PHLPP2: variants seen among roughly 807,000 people sequenced by gnomAD.
The protein encoded by PHLPP2 is PH domain leucine-rich repeat-containing protein phosphatase 2.
PHLPP2 carries 66 observed loss-of-function variants against 124.9 expected under a neutral mutation model. The ratio of observed to expected loss-of-function variants is 0.53; its 90% CI spans 0.43 to 0.65. The LOEUF is 0.65. Among genes scored for constraint, PHLPP2 ranks in the 30% least tolerant of loss-of-function variants. The pLI is 0.00. For missense variants in PHLPP2, 1,685 were observed against 1,600.4 expected (o/e 1.05, Z -0.90); for synonymous variants, 681 against 624.7 (o/e 1.09, Z -1.34).
intron 4 of PHLPP2, among the ~76,000 whole-genome samples, chr16:71,690,006 A>T (rs2045093281): frequency 6.6e-6 from 1 of 152,136 alleles, no homozygotes; most frequent in African/African-American, 2.4e-5. Flanking sequence ...AAAAATATTA[A>T]CATATCTGTT....
rs1567610062 is a variant in PHLPP2 at position 71,648,919 on chromosome 16, GC to G, written c.3942del (p.Glu1314AspfsTer27). ...AGTGCTGTGTCGAACTCCTCCGGGG[GC>G]TCGGTCCGATCCTCTTCATGGGGCT... Reference protein sequence around the residue: ...EPEPHEEDRTEPPEEFDTAL With the variant: ...EPEPHEEDRTXPPEEFDTAL On this transcript the variant is annotated frameshift_variant, in exon 19 of 19. Coordinates refer to ENST00000568954, the MANE Select transcript of PHLPP2 (RefSeq NM_015020.3). LOFTEE classifies it high-confidence loss of function. The G allele has an allele frequency of 6.2e-7, 1 of 1,612,666 alleles. No homozygotes were observed. The highest frequency in any genetic ancestry group is 1.3e-5 in the African/African-American group (1 of 75,008).
rs1247180446 is a variant in PHLPP2 at position 71,664,040 on chromosome 16, C to T, written c.1844G>A (p.Gly615Glu). The change falls in exon 13 of 19, where the codon GGA becomes GAA. Residue 615 changes from glycine to glutamate, a missense_variant. Gly to Glu is a moderately conservative substitution (Grantham distance 98, BLOSUM62 -2). Coordinates refer to ENST00000568954, the MANE Select transcript of PHLPP2 (RefSeq NM_015020.3). Reference sequence around the variant, plus strand: ...CTGCAGCATACTCAAACTCTCCTCTCCAGTGCAGGCGGATGGTAAAGACTC... The same window carrying T: ...CTGCAGCATACTCAAACTCTCCTCTTCAGTGCAGGCGGATGGTAAAGACTC... ...SLESLPSACT[G>E]EESLSMLQLL... The T allele has an allele frequency of 6.2e-7, 1 of 1,613,978 alleles. No homozygotes were observed. The highest frequency in any genetic ancestry group is 1.7e-5 in the Admixed American group (1 of 60,010).
chr16:71,713,678 T>C (rs1357745727), intron 2 of PHLPP2, among the ~76,000 whole-genome samples: 5 of 152,196 alleles, frequency 3.3e-5, no homozygotes, highest in Admixed American at 2.6e-4. Context: ...GAAAGATCTC[T>C]AAAAGATATT....
At chr16:71,679,298 T>C in intron 7 of PHLPP2, 91 bp downstream of exon 7, 4 of 1,162,052 alleles carry the variant, frequency 3.4e-6, no homozygotes, top group Non-Finnish European at 5.1e-6. Flanking sequence ...TATAGTTCAC[T>C]GCAAGAGTTC....
Position 71,650,616 on chromosome 16 carries a change from C to T in PHLPP2, c.2818-572G>A, listed in dbSNP as rs547687024. Among the ~76,000 whole-genome samples the T allele has an allele frequency of 5.3e-5, 8 of 152,324 alleles. No homozygotes were observed. In the South Asian group the frequency reaches 1.7e-3, roughly 32 times the overall value. The stretch of plus-strand genomic sequence containing the variant: ...GAATAAATAGCGATCAAATCAAAAT[C>T]CCTGTAATTCAAAACTTAGAGGAAA... On this transcript the variant is annotated intron_variant, in intron 18 of 18. Coordinates refer to ENST00000568954, the MANE Select transcript of PHLPP2 (RefSeq NM_015020.3).
intron 1 of PHLPP2, among the ~76,000 whole-genome samples, chr16:71,723,024 C>T (rs2045408036): frequency 6.6e-6 from 1 of 152,252 alleles, no homozygotes. Flanking sequence ...GCCAAGAAGC[C>T]CCGCTAGCTG....
At chr16:71,702,765 G>A in intron 2 of PHLPP2, 34 bp from the exon 3 acceptor site, 1 of 1,452,292 alleles carries the variant, frequency 6.9e-7, no homozygotes, top group Non-Finnish European at 9.4e-7. Context: ...ATATATATTT[G>A]GTAAGTAATA....
At chr16:71,674,719 G>T (rs13338265) in intron 9 of PHLPP2, among the ~76,000 whole-genome samples, 2 of 152,002 alleles carry the variant, frequency 1.3e-5, no homozygotes, top group Non-Finnish European at 2.9e-5. Context: ...CTTTTAGGCC[G>T]GGTGTAATGG....
Position 71,650,025 on chromosome 16 carries a change from A to T in PHLPP2, c.2837T>A (p.Val946Glu), listed in dbSNP as rs1395505797. ...IITEDNKVNGVTCCTRMLGCT... is the reference protein window; with the variant it reads ...IITEDNKVNGETCCTRMLGCT... ...GCCCAGCATCCGGGTACAGCAGGTT[A>T]CCCCATTCACTTTGTTGTCCTACAG... The change falls in exon 19 of 19, where the codon GTA becomes GAA. Residue 946 changes from valine to glutamate, a missense_variant. Coordinates refer to ENST00000568954, the MANE Select transcript of PHLPP2 (RefSeq NM_015020.3). The T allele has an allele frequency of 1.2e-6, 2 of 1,607,304 alleles. No homozygotes were observed. Among genetic ancestry groups the T allele is most frequent in the Non-Finnish European group, 8.5e-7 (1 of 1,178,820 alleles).
intron 10 of PHLPP2, among the ~76,000 whole-genome samples, chr16:71,671,714 A>T (rs1037128101): frequency 6.6e-6 from 1 of 152,058 alleles, no homozygotes; most frequent in Non-Finnish European, 1.5e-5. Flanking sequence ...GGAGATCCAG[A>T]CCATCCTGGC....
chr16:71,720,940 A>G (rs1378082707), intron 1 of PHLPP2, among the ~76,000 whole-genome samples: 1 of 152,216 alleles, frequency 6.6e-6, no homozygotes, highest in African/African-American at 2.4e-5. Flanking sequence ...AAACTTTAAA[A>G]CAATATAGAC....
intron 15 of PHLPP2, among the ~76,000 whole-genome samples, chr16:71,657,480 C>T (rs1315430766): frequency 2.0e-5 from 3 of 151,848 alleles, no homozygotes; most frequent in South Asian, 2.1e-4. Flanking sequence ...TTACAAGCTC[C>T]GCCTCCCGGG....
At position 71,648,732 on chromosome 16, in the gene PHLPP2, T is replaced by A; in HGVS notation, c.*158A>T. ...GCTGCAGTGACCCGAGACCCCACCA[T>A]TGCACTCCAGCCTGAGCGACTGAGC... On this transcript the variant is annotated 3_prime_UTR_variant, in exon 19 of 19. Coordinates refer to ENST00000568954, the MANE Select transcript of PHLPP2 (RefSeq NM_015020.3). The A allele has an allele frequency of 3.2e-6, 2 of 620,914 alleles. No homozygotes were observed. Among genetic ancestry groups the A allele is most frequent in the Non-Finnish European group, 5.6e-6 (2 of 355,040 alleles). The allele number at this position is 620,914 out of a possible 1,614,324, so 38.5% of individuals were successfully genotyped here. A position where few individuals can be genotyped will look rare whatever the true frequency, so the allele number is the denominator to read the frequency against.
chr16:71,700,519 CTTTT>C (rs1234453846), intron 3 of PHLPP2, among the ~76,000 whole-genome samples: 1 of 83,346 alleles, frequency 1.2e-5, no homozygotes, highest in Non-Finnish European at 2.2e-5. Context: ...TGACTCATTT[CTTTT>C]TTTTTTTTTT....
rs756265355 is a variant in PHLPP2, at chr16:71,667,289, T to C, written c.1673A>G (p.Asn558Ser). 22 of 1,613,524 alleles carry C rather than the reference T, an allele frequency of 1.4e-5. No homozygotes were observed. The highest frequency in any genetic ancestry group is 1.8e-5 in the Non-Finnish European group (21 of 1,179,704). ...LSLRKLMLGH[N>S]HVQNLPTLVE... ...CAGTGTTGGAAGGTTTTGCACATGA[T>C]TGTGTCCCAGCATCAGTTTTCTAAG... The change falls in exon 12 of 19, where the codon AAT becomes AGT. Residue 558 changes from asparagine to serine, a missense_variant. By Grantham distance (46) the Asn-to-Ser change is conservative. Coordinates refer to ENST00000568954, the MANE Select transcript of PHLPP2 (RefSeq NM_015020.3).
At chr16:71,707,442 T>C (rs2045284300) in intron 2 of PHLPP2, among the ~76,000 whole-genome samples, 1 of 152,116 alleles carries the variant, frequency 6.6e-6, no homozygotes, top group African/African-American at 2.4e-5. Flanking sequence ...GGACAGCGGC[T>C]GGTCACCAGA....
At chr16:71,658,846 C>A (rs774595602) in intron 13 of PHLPP2, 31 bp from the exon 14 acceptor site, 1 of 1,604,544 alleles carries the variant, frequency 6.2e-7, no homozygotes, top group Non-Finnish European at 8.5e-7. Flanking sequence ...TACTATAATG[C>A]ACCAAGACTG....
chr16:71,655,733 G>A (rs1302673425), intron 16 of PHLPP2, among the ~76,000 whole-genome samples: 1 of 151,770 alleles, frequency 6.6e-6, no homozygotes, highest in East Asian at 1.9e-4. Context: ...CTCATGATCC[G>A]CCCACCTTGG....
At chr16:71,673,849 A>G (rs919265220) in intron 9 of PHLPP2, among the ~76,000 whole-genome samples, 1 of 152,166 alleles carries the variant, frequency 6.6e-6, no homozygotes, top group East Asian at 1.9e-4. Context: ...TATAAACAGC[A>G]TAAGTCAACA....
Sources: allele counts gnomAD v4.1 joint callset (sites outside exome capture counted in the v4.1 genomes callset), GRCh38; gene constraint gnomAD v4.1.1; transcripts MANE v1.5; gene names NCBI Gene and HGNC (gene_info 2026-07-23, HGNC 2026-07-21).